Variants in PKHD1 observed in about 807,000 individuals in gnomAD.
PKHD1 encodes fibrocystin.
In PKHD1, 291 loss-of-function variants were observed where a neutral mutation model predicts 412.0. That is an observed-to-expected ratio of 0.71 (90% confidence interval 0.64 to 0.78). The LOEUF (loss-of-function observed/expected upper bound fraction) is 0.78, where lower values mean the gene tolerates loss of function less well. PKHD1 is among the 30% of genes least tolerant of loss of function. The pLI, the probability that PKHD1 is intolerant of heterozygous loss-of-function variation, is 0.00. For synonymous variants in PKHD1, 1,777 were observed against 1,821.5 expected, an observed-to-expected ratio of 0.98 and a Z score of 0.62; for missense variants, 4,825 against 4,950.7, an observed-to-expected ratio of 0.97 and a Z score of 0.76.
In PKHD1 at chr6:51,617,356, T is replaced by C. The variant is rs1398041288; in HGVS notation, c.*1725A>G. 1.3e-5 allele frequency: 2 copies of C among 152,228 alleles called. No homozygotes were observed. The highest frequency in any genetic ancestry group is 3.8e-4 in the East Asian group (2 of 5,198). 9.4% of individuals were successfully genotyped at this position (152,228 alleles called of 1,614,324 possible). ...GGGACTAATTAAACTAGGGAAGGCA[T>C]GTTCTGCCTAAGTCATTCGAGTTTT... On this transcript the variant is annotated 3_prime_UTR_variant, in exon 67 of 67. Transcript: ENST00000371117.
intron 21 of PKHD1, among the ~76,000 whole-genome samples, 182 bp from the exon 22 acceptor site, chr6:52,050,477 A>C (rs1806639746): frequency 6.6e-6 from 1 of 152,260 alleles, no homozygotes; most frequent in South Asian, 2.1e-4. Flanking sequence ...CATTCAGTTT[A>C]GTACAAAAAG....
At chr6:51,845,674 A>G (rs1263351887) in intron 50 of PKHD1, among the ~76,000 whole-genome samples, 1 of 152,226 alleles carries the variant, frequency 6.6e-6, no homozygotes, top group Non-Finnish European at 1.5e-5. Context: ...GTACCTCTAC[A>G]TATAAGCACA....
intron 35 of PKHD1, among the ~76,000 whole-genome samples, chr6:52,000,480 TACAC>T (rs1369239447): frequency 1.3e-5 from 2 of 152,192 alleles, no homozygotes; most frequent in Non-Finnish European, 2.9e-5. Context: ...TTGAGAAAAT[TACAC>T]ACAGTATTTA....
At position 52,042,951 on chromosome 6, in the gene PKHD1, G is replaced by A. The variant is rs760793047; in HGVS notation, c.3005C>T (p.Ser1002Phe). The A allele has an allele frequency of 1.1e-5, 18 of 1,613,460 alleles. No homozygotes were observed. In the South Asian group the frequency reaches 1.8e-4, roughly 16 times the overall value. The change falls in exon 27 of 67, where the codon TCT becomes TTT. Residue 1002 changes from serine to phenylalanine, a missense_variant. Ser to Phe is a radical substitution (Grantham distance 155). Transcript: ENST00000371117. The stretch of plus-strand genomic sequence containing the variant: ...TCCAGTGGCACTGATGGCAAGACCA[G>A]AGGGTCTCACCAACATCAAGATCCG... ...MHRILMLVRP[S>F]GLAISATGED...
At chr6:52,082,292 T>G in intron 4 of PKHD1, 100 bp downstream of exon 4, 3 of 1,196,244 alleles carry the variant, frequency 2.5e-6, no homozygotes, top group Non-Finnish European at 3.7e-6. Context: ...GGCTGGCAAT[T>G]GAATCACAGC....
chr6:51,941,699 C>T (rs1231269184), intron 36 of PKHD1, among the ~76,000 whole-genome samples: 1 of 151,764 alleles, frequency 6.6e-6, no homozygotes, highest in East Asian at 1.9e-4. Context: ...GGTGCCAAAC[C>T]CATATACTCT....
intron 53 of PKHD1, among the ~76,000 whole-genome samples, chr6:51,776,983 A>T (rs1015775429): frequency 1.1e-4 from 17 of 152,092 alleles, no homozygotes; most frequent in Admixed American, 9.9e-4. Context: ...GTCTTAGAGT[A>T]CAAAAATACT....
chr6:51,989,463 C>G (rs1335693140), intron 35 of PKHD1, among the ~76,000 whole-genome samples: 1 of 152,150 alleles, frequency 6.6e-6, no homozygotes, highest in African/African-American at 2.4e-5. Flanking sequence ...TGCATGCAGG[C>G]ACACCTGCAG....
rs1326587 is a variant in PKHD1 at position 51,808,886 on chromosome 6, C to A, written c.8303-17513G>T. Among the ~76,000 whole-genome samples the A allele has an allele frequency of 4.1e-4, 62 of 152,042 alleles. 2 individuals are homozygous for A. The South Asian group carries it at 0.012, about 31-fold the overall frequency. ...ATTAGGACAAGATCAAACTCCATTACCTTGCATAGATTACTCTCTAGAAAG... is the reference window on the plus strand; with the variant it reads ...ATTAGGACAAGATCAAACTCCATTAACTTGCATAGATTACTCTCTAGAAAG... On this transcript the variant is annotated intron_variant, in intron 52 of 66. Coordinates refer to ENST00000371117, the MANE Select transcript of PKHD1 (RefSeq NM_138694.4).
chr6:51,978,649 G>A (rs557176497), intron 35 of PKHD1, among the ~76,000 whole-genome samples: 1 of 152,142 alleles, frequency 6.6e-6, no homozygotes, highest in African/African-American at 2.4e-5. Context: ...TTGACATCAG[G>A]TGCTACCAAG....
At chr6:51,635,211 T>C (rs1170007189) in intron 64 of PKHD1, among the ~76,000 whole-genome samples, 1 of 152,110 alleles carries the variant, frequency 6.6e-6, no homozygotes, top group East Asian at 1.9e-4. Flanking sequence ...ATTACAGGCA[T>C]GAGCCACCCC....
intron 36 of PKHD1, among the ~76,000 whole-genome samples, chr6:51,943,370 C>T (rs1048239704): frequency 6.6e-6 from 1 of 150,472 alleles, no homozygotes; most frequent in Non-Finnish European, 1.5e-5. Context: ...GACACCAGAC[C>T]AACTTGGACT....
intron 35 of PKHD1, among the ~76,000 whole-genome samples, chr6:51,998,982 G>C (rs1257900747): frequency 1.3e-5 from 2 of 152,114 alleles, no homozygotes; most frequent in Non-Finnish European, 2.9e-5. Context: ...ACAGCCAGGG[G>C]ACTAGAAGAG....
intron 6 of PKHD1, 66 bp from the exon 7 acceptor site, chr6:52,073,607 A>G: frequency 1.0e-6 from 1 of 978,286 alleles, no homozygotes; most frequent in Non-Finnish European, 1.7e-6. Flanking sequence ...ATAAAAAACC[A>G]TGTTTCTTTT....
intron 64 of PKHD1, 48 bp downstream of exon 64, chr6:51,638,799 CAA>C (rs376358912): frequency 0.018 from 15,482 of 841,690 alleles, 23 homozygotes; most frequent in African/African-American, 0.03. Context: ...ATTATCTTCT[CAA>C]AAAAAAAAAA....
chr6:52,038,075 G>T (rs1804221526), intron 27 of PKHD1, among the ~76,000 whole-genome samples: 1 of 152,068 alleles, frequency 6.6e-6, no homozygotes, highest in Admixed American at 6.5e-5. Flanking sequence ...AATATGACTG[G>T]TGTCTTTATA....
At chr6:51,801,054 A>G (rs1354639283) in intron 52 of PKHD1, among the ~76,000 whole-genome samples, 1 of 152,202 alleles carries the variant, frequency 6.6e-6, no homozygotes, top group African/African-American at 2.4e-5. Flanking sequence ...AAATGATCTA[A>G]TCTTCCTTTG....
intron 37 of PKHD1, among the ~76,000 whole-genome samples, chr6:51,914,775 T>C (rs1350365958): frequency 6.6e-6 from 1 of 152,114 alleles, no homozygotes; most frequent in East Asian, 1.9e-4. Flanking sequence ...CCAGTCTCTT[T>C]ACCTCTTCTC....
At chr6:51,707,618 T>C (rs1780163590) in intron 60 of PKHD1, among the ~76,000 whole-genome samples, 1 of 152,146 alleles carries the variant, frequency 6.6e-6, no homozygotes, top group African/African-American at 2.4e-5. Context: ...GCTAGACTTC[T>C]TGGTAAAATG....
Sources: gnomAD v4.1 joint callset for allele counts (sites outside exome capture counted in the v4.1 genomes callset) on GRCh38, gnomAD v4.1.1 for gene constraint, MANE v1.5 for transcripts, NCBI Gene and HGNC (gene_info 2026-07-23, HGNC 2026-07-21) for gene names.